The following SKA3 variants were observed in gnomAD, a reference collection of about 807,000 sequenced individuals.
SKA3 encodes the protein spindle and kinetochore-associated protein 3.
SKA3 carries 39 observed loss-of-function variants against 44.2 expected under a neutral mutation model. That is an observed-to-expected ratio of 0.88 (90% CI 0.68 to 1.15). The LOEUF (loss-of-function observed/expected upper bound fraction) is 1.15. Among genes scored for constraint, SKA3 ranks in the 50% most tolerant of loss-of-function variants. The pLI, the probability that SKA3 is intolerant of heterozygous loss-of-function variation, is 0.00. For synonymous variants in SKA3, 192 were observed against 172.0 expected (o/e 1.12, Z -0.91); for missense variants, 511 against 485.8 (o/e 1.05, Z -0.49).
chr13:21,173,844 A>G (rs906789275), intron 1 of SKA3, among the ~76,000 whole-genome samples: 5 of 152,176 alleles, frequency 3.3e-5, no homozygotes, highest in African/African-American at 1.2e-4. Context: ...CAACGTATTC[A>G]TATTTCTGTA....
At position 21,172,619 on chromosome 13, in the gene SKA3, C is replaced by T. The variant is rs1871130324; in HGVS notation, c.165+1G>A. ...ATAAATCAATATTGTAGGAGTGATACCTTTAGAGTCTGAACTTCTGAATGA... is the reference window on the plus strand; with the variant it reads ...ATAAATCAATATTGTAGGAGTGATATCTTTAGAGTCTGAACTTCTGAATGA... On this transcript the variant is annotated splice_donor_variant, in intron 2 of 8. Transcript: ENST00000314759. LOFTEE classifies it high-confidence loss of function. 1 of 1,581,942 alleles carries T rather than the reference C, an allele frequency of 6.3e-7. No homozygotes were observed. Among genetic ancestry groups the T allele is most frequent in the Admixed American group, 1.8e-5 (1 of 54,580 alleles).
intron 7 of SKA3, 59 bp downstream of exon 7, chr13:21,157,863 A>C (rs1354350359): frequency 9.3e-7 from 1 of 1,080,536 alleles, no homozygotes; most frequent in Admixed American, 2.9e-5. Context: ...AGGTCTTTAA[A>C]TATTTCATAT....
intron 4 of SKA3, among the ~76,000 whole-genome samples, chr13:21,162,121 T>A (rs991447306): frequency 1.3e-5 from 2 of 152,170 alleles, no homozygotes; most frequent in Non-Finnish European, 2.9e-5. Flanking sequence ...GACTTCAAAA[T>A]CCTAAAGTGG....
At chr13:21,165,289 C>T (rs1361843773) in intron 4 of SKA3, among the ~76,000 whole-genome samples, 4 of 151,532 alleles carry the variant, frequency 2.6e-5, no homozygotes, top group African/African-American at 9.7e-5. Flanking sequence ...CATGGTGGTC[C>T]ACACCTGTAG....
chr13:21,165,796 G>A (rs554346954), intron 4 of SKA3, among the ~76,000 whole-genome samples: 10 of 152,086 alleles, frequency 6.6e-5, no homozygotes, highest in Admixed American at 1.3e-4. Flanking sequence ...TTAGCCAGGC[G>A]TGGTGGCTCA....
At chr13:21,159,847 G>C in intron 6 of SKA3, 55 bp downstream of exon 6, 1 of 1,142,364 alleles carries the variant, frequency 8.8e-7, no homozygotes, top group Non-Finnish European at 1.2e-6. Context: ...GCAAGCAGTA[G>C]TGTATTTGAG....
chr13:21,172,412 AT>A lies in SKA3; in HGVS notation c.257del (p.Asn86IlefsTer6). ...IKATKVLMEK[N>X]SMDIMKIREY... ...CTCTTATTTTCATAATATCCATTGAATTTTTTTCCATTAGTACTTTTGTTGC... is the reference window on the plus strand; with the variant it reads ...CTCTTATTTTCATAATATCCATTGAATTTTTTCCATTAGTACTTTTGTTGC... On this transcript the variant is annotated frameshift_variant, in exon 3 of 9. Coordinates refer to ENST00000314759, the MANE Select transcript of SKA3 (RefSeq NM_145061.6). LOFTEE classifies it high-confidence loss of function. 3 of 1,589,682 alleles carry A rather than the reference AT, an allele frequency of 1.9e-6. No homozygotes were observed. Among genetic ancestry groups the A allele is most frequent in the Middle Eastern group, 1.7e-4 (1 of 6,006 alleles).
At chr13:21,159,724 A>T (rs1320978246) in intron 6 of SKA3, among the ~76,000 whole-genome samples, 178 bp downstream of exon 6, 3 of 152,190 alleles carry the variant, frequency 2.0e-5, no homozygotes, top group Non-Finnish European at 4.4e-5. Flanking sequence ...GGTATGAAAA[A>T]TATTTTTTAG....
At chr13:21,165,946 T>C (rs899079008) in intron 4 of SKA3, among the ~76,000 whole-genome samples, 12 of 151,460 alleles carry the variant, frequency 7.9e-5, no homozygotes, top group Admixed American at 5.9e-4. Context: ...AACAATAACA[T>C]GACATGACAT....
chr13:21,154,749 T>C lies in SKA3; in HGVS notation c.*401A>G, dbSNP rs1265688181. ...GGTGTGGGACGGTCCTGAAAGGAGA[T>C]GATGGGAAGGCAGAGCTGGCTGGCA... On this transcript the variant is annotated 3_prime_UTR_variant, in exon 9 of 9. Transcript: ENST00000314759. The C allele has an allele frequency of 3.3e-6, 1 of 301,916 alleles. No individual in the cohort carries two copies. Among genetic ancestry groups the C allele is most frequent in the African/African-American group, 2.3e-5 (1 of 44,432 alleles). The allele number at this position is 301,916 out of a possible 1,614,324, so 18.7% of individuals were successfully genotyped here.
intron 1 of SKA3, 58 bp downstream of exon 1, chr13:21,176,317 C>T: frequency 7.9e-7 from 1 of 1,270,952 alleles, no homozygotes; most frequent in Non-Finnish European, 1.0e-6. Flanking sequence ...CCACTCGCCA[C>T]GCCCCTCCGC....
chr13:21,155,834 C>CT, intron 7 of SKA3, 23 bp from the exon 8 acceptor site: 1 of 911,302 alleles, frequency 1.1e-6, no homozygotes, highest in Non-Finnish European at 1.6e-6. Flanking sequence ...AAGGAAATTC[C>CT]TTTTTATCGA....
rs1870856415 is a variant in SKA3 at position 21,168,407 on chromosome 13, G to A, written c.332-8C>T. The A allele has an allele frequency of 8.6e-6, 10 of 1,166,792 alleles. No homozygotes were observed. Among genetic ancestry groups the A allele is most frequent in the Non-Finnish European group, 1.1e-5 (10 of 883,278 alleles). The allele number at this position is 1,166,792 out of a possible 1,614,324, so 72.3% of individuals were successfully genotyped here. Reference sequence around the variant, plus strand: ...TGGCTTCTTGCTCGTGTACTAGGAGGAAAAATCAGAATATTCTGGTCAAAC... The same window carrying A: ...TGGCTTCTTGCTCGTGTACTAGGAGAAAAAATCAGAATATTCTGGTCAAAC... On this transcript the variant is annotated splice_polypyrimidine_tract_variant and splice_region_variant and intron_variant, in intron 3 of 8. Transcript: ENST00000314759.
In SKA3 at chr13:21,157,993, A is replaced by T. The variant is rs761742758; in HGVS notation, c.1048T>A (p.Ser350Thr). The change falls in exon 7 of 9, where the codon TCT becomes ACT. Residue 350 changes from serine (S) to threonine (T), a missense_variant. Physicochemically the swap from Ser to Thr is moderately conservative, Grantham distance 58. Transcript: ENST00000314759. ...NLTDPSSPTI[S>T]SYENLLRTPT... is the part of the protein sequence containing the mutation. ...GTTCTGAGCAGATTCTCATAAGAAGAAATCGTAGGTGAAGAGGGATCTGTT... is the reference window on the plus strand; with the variant it reads ...GTTCTGAGCAGATTCTCATAAGAAGTAATCGTAGGTGAAGAGGGATCTGTT... 6.2e-7 allele frequency: 1 copy of T among 1,613,610 alleles called. No individual in the cohort carries two copies. Among genetic ancestry groups the T allele is most frequent in the South Asian group, 1.1e-5 (1 of 91,078 alleles).
intron 4 of SKA3, among the ~76,000 whole-genome samples, chr13:21,163,745 T>C (rs1870561301): frequency 1.3e-5 from 2 of 152,180 alleles, no homozygotes; most frequent in Non-Finnish European, 1.5e-5. Context: ...CATATGCTTA[T>C]TGGTCAATTG....
At chr13:21,168,676 C>A (rs1488401026) in intron 3 of SKA3, among the ~76,000 whole-genome samples, 1 of 152,026 alleles carries the variant, frequency 6.6e-6, no homozygotes, top group Non-Finnish European at 1.5e-5. Flanking sequence ...ACAGGTGTGC[C>A]ACCATGCTCA....
chr13:21,158,160 A>G (rs768861452), intron 6 of SKA3, 35 bp from the exon 7 acceptor site: 1 of 1,306,322 alleles, frequency 7.7e-7, no homozygotes, highest in East Asian at 2.4e-5. Flanking sequence ...AATTATGGTA[A>G]TATAACATAA....
chr13:21,155,242 TATAAA>T, intron 8 of SKA3, 92 bp from the exon 9 acceptor site: 1 of 917,486 alleles, frequency 1.1e-6, no homozygotes, highest in South Asian at 2.0e-5. Flanking sequence ...ATTTTACACT[TATAAA>T]ATAATTGAGG....
At chr13:21,156,299 T>C (rs1870119388) in intron 7 of SKA3, among the ~76,000 whole-genome samples, 1 of 152,058 alleles carries the variant, frequency 6.6e-6, no homozygotes, top group South Asian at 2.1e-4. Flanking sequence ...CTGACTGAGG[T>C]TAGTGAAAAC....
Sources: allele counts gnomAD v4.1 joint callset (sites outside exome capture counted in the v4.1 genomes callset), GRCh38; gene constraint gnomAD v4.1.1; transcripts MANE v1.5; gene names NCBI Gene and HGNC (gene_info 2026-07-23, HGNC 2026-07-21).